ZNF518A: variants seen among roughly 807,000 people sequenced by gnomAD.
ZNF518A encodes the protein zinc finger protein 518A, also known as zinc finger protein 518.
Under a neutral mutation model 102.7 loss-of-function variants are expected in ZNF518A, and 47 were observed. That is an observed-to-expected ratio of 0.46 (90% confidence interval 0.36 to 0.58). The LOEUF (loss-of-function observed/expected upper bound fraction) is 0.58, where lower values mean the gene tolerates loss of function less well. ZNF518A is among the 20% of genes least tolerant of loss of function. The probability of loss-of-function intolerance (pLI) is 0.00; values close to 1 mark genes in which losing one functional copy is unlikely to be tolerated. For synonymous variants in ZNF518A, 652 were observed against 594.6 expected (o/e 1.10, Z -1.40); for missense variants, 1,793 against 1,699.8 (o/e 1.05, Z -0.96).
At chr10:96,154,739 G>A (rs1391981940) in intron 3 of ZNF518A, among the ~76,000 whole-genome samples, 2 of 151,978 alleles carry the variant, frequency 1.3e-5, no homozygotes, top group Non-Finnish European at 2.9e-5. Context: ...CCTTCATCTT[G>A]TGTTACCTTT....
intron 1 of ZNF518A, among the ~76,000 whole-genome samples, chr10:96,173,496 A>G (rs1360026126): frequency 1.3e-5 from 2 of 152,208 alleles, no homozygotes; most frequent in Admixed American, 6.5e-5. Context: ...ATGAAACAAC[A>G]AGAATTTATT....
intron 1 of ZNF518A, among the ~76,000 whole-genome samples, chr10:96,177,972 T>C (rs1554891671): frequency 6.6e-6 from 1 of 152,068 alleles, no homozygotes; most frequent in Admixed American, 6.6e-5. Context: ...TCTAAATACA[T>C]GAAGTAAAAG....
intron 1 of ZNF518A, among the ~76,000 whole-genome samples, chr10:96,188,950 G>T (rs184822487): frequency 6.6e-6 from 1 of 152,248 alleles, no homozygotes; most frequent in Non-Finnish European, 1.5e-5. Context: ...CTGATGGTTT[G>T]CAGGCAATCT....
At position 96,162,977 on chromosome 10, in the gene ZNF518A, C is replaced by G. The variant is rs2083056841; in HGVS notation, c.*2203C>G. 2 of 166,904 alleles carry G rather than the reference C, an allele frequency of 1.2e-5. No homozygotes were observed. Among genetic ancestry groups the G allele is most frequent in the Admixed American group, 1.3e-4 (2 of 15,260 alleles). The allele number at this position is 166,904 out of a possible 1,614,324, so 10.3% of individuals were successfully genotyped here. On this transcript the variant is annotated 3_prime_UTR_variant, in exon 6 of 6. Coordinates refer to ENST00000316045, the MANE Select transcript of ZNF518A (RefSeq NM_001330736.2). ...AGAGAGGCTTATAGTCTTCAGTACCCTAACAGCAATAAAATTAAAATGCTC... is the reference window on the plus strand; with the variant it reads ...AGAGAGGCTTATAGTCTTCAGTACCGTAACAGCAATAAAATTAAAATGCTC...
chr10:96,180,210 A>G (rs2083231776), intron 1 of ZNF518A, among the ~76,000 whole-genome samples: 1 of 120,724 alleles, frequency 8.3e-6, no homozygotes, highest in Non-Finnish European at 1.6e-5. Context: ...TTTTTAATAG[A>G]GATGAAGTGT....
intron 3 of ZNF518A, among the ~76,000 whole-genome samples, chr10:96,134,844 A>G (rs2081519998): frequency 6.6e-6 from 1 of 152,252 alleles, no homozygotes; most frequent in Non-Finnish European, 1.5e-5. Context: ...TCATGAGGAA[A>G]GTCAGATAAT....
intron 3 of ZNF518A, among the ~76,000 whole-genome samples, chr10:96,141,184 G>C (rs781899695): frequency 6.6e-6 from 1 of 152,136 alleles, no homozygotes; most frequent in Non-Finnish European, 1.5e-5. Context: ...GAAATAGTAA[G>C]TAAAACTTGC....
chr10:96,199,124 C>T (rs2168733), intron 1 of ZNF518A, among the ~76,000 whole-genome samples: 1 of 152,012 alleles, frequency 6.6e-6, no homozygotes, highest in East Asian at 1.9e-4. Flanking sequence ...AAAGGACTGA[C>T]GGAACACACT....
chr10:96,154,723 A>G (rs12264517), intron 3 of ZNF518A, among the ~76,000 whole-genome samples: 1,959 of 152,220 alleles, frequency 0.013, 42 homozygotes, highest in East Asian at 0.1. Flanking sequence ...AAAACCCTTC[A>G]TGAGGCCTTC....
rs1554886743 is a variant in ZNF518A at position 96,160,001 on chromosome 10, T to A, written c.3679T>A (p.Cys1227Ser). Residue 1227 changes from cysteine (C) to serine (S), a missense_variant, in exon 6 of 6, where the codon TGT (cysteine) becomes AGT (serine). Physicochemically the swap from Cys to Ser is moderately radical, Grantham distance 112 (BLOSUM62 -1). Transcript: ENST00000316045. ...TGAGGAACCAATATGTGTCAGTGAC[T>A]GTTCAGAGTCCAGGGTATTAAGGTG... ...SSEEPICVSD[C>S]SESRVLRCKT... The A allele has an allele frequency of 1.2e-6, 2 of 1,613,632 alleles. No individual in the cohort carries two copies. Among genetic ancestry groups the A allele is most frequent in the Admixed American group, 1.7e-5 (1 of 60,002 alleles).
intron 1 of ZNF518A, among the ~76,000 whole-genome samples, chr10:96,182,336 G>A (rs1324355290): frequency 7.9e-5 from 12 of 152,178 alleles, no homozygotes; most frequent in Non-Finnish European, 1.8e-4. Context: ...TGCCTTGCCT[G>A]ATTGCCCTGG....
intron 1 of ZNF518A, among the ~76,000 whole-genome samples, chr10:96,173,972 AAATATATGGCAATTGAACAAT>A (rs2083188646): frequency 6.6e-6 from 1 of 152,196 alleles, no homozygotes; most frequent in South Asian, 2.1e-4. Flanking sequence ...GAAAATTCAT[AAATATATGGCAATTGAACAAT>A]ACTCATAAAT....
rs997475000 is a variant in ZNF518A, at chr10:96,158,752, A to G, written c.2430A>G (p.Pro810=). ...DSSNTPNKGL[P]LHCDQSFQKH... is the part of the protein sequence containing the mutation. ...GTAACACTCCAAATAAAGGCTTGCC[A>G]CTTCATTGTGACCAGTCATTTCAAA... The change falls in exon 6 of 6, where the codon CCA becomes CCG. Residue 810 remains proline, a synonymous_variant. Coordinates refer to ENST00000316045, the MANE Select transcript of ZNF518A (RefSeq NM_001330736.2). 1.5e-5 allele frequency: 25 copies of G among 1,613,360 alleles called. No individual in the cohort carries two copies. The highest frequency in any genetic ancestry group is 2.1e-5 in the Non-Finnish European group (25 of 1,179,514).
chr10:96,138,871 TAAATA>T (rs1290655294), intron 3 of ZNF518A, among the ~76,000 whole-genome samples: 1 of 146,808 alleles, frequency 6.8e-6, no homozygotes, highest in Non-Finnish European at 1.5e-5. Context: ...AATGGGCAAA[TAAATA>T]AAATATTGCC....
intron 1 of ZNF518A, among the ~76,000 whole-genome samples, chr10:96,176,960 C>A (rs1440035216): frequency 6.6e-6 from 1 of 151,878 alleles, no homozygotes; most frequent in Non-Finnish European, 1.5e-5. Flanking sequence ...TGCCTGTAGT[C>A]CCAGCTACTT....
chr10:96,201,977 G>A (rs587616193), intron 1 of ZNF518A, among the ~76,000 whole-genome samples: 1 of 152,326 alleles, frequency 6.6e-6, no homozygotes, highest in African/African-American at 2.4e-5. Context: ...GGTGAGATCT[G>A]CAGGTGGAGA....
At chr10:96,166,886 TCTAAA>T (rs1190620049), downstream of ZNF518A, among the ~76,000 whole-genome samples, 2 of 152,186 alleles carry the variant, frequency 1.3e-5, no homozygotes, top group Non-Finnish European at 2.9e-5. Context: ...AGAGAGAACT[TCTAAA>T]CTACAAGTTC....
intron 2 of ZNF518A, chr10:96,203,655 T>C (rs781928870): frequency 6.4e-6 from 1 of 155,844 alleles, no homozygotes; most frequent in South Asian, 2.0e-4. Flanking sequence ...TATTTTGTGA[T>C]CTTTAAAATA....
chr10:96,165,348 T>A (rs1554889966), downstream of ZNF518A, among the ~76,000 whole-genome samples: 1 of 152,008 alleles, frequency 6.6e-6, no homozygotes, highest in East Asian at 1.9e-4. Flanking sequence ...CCTCAAGTGA[T>A]TCACCTGCCT....
Sources: allele counts gnomAD v4.1 joint callset (sites outside exome capture counted in the v4.1 genomes callset), GRCh38; gene constraint gnomAD v4.1.1; transcripts MANE v1.5; gene names NCBI Gene and HGNC (gene_info 2026-07-23, HGNC 2026-07-21).